FRAS1: variants seen among roughly 807,000 people sequenced by gnomAD.
FRAS1 encodes the protein extracellular matrix organizing protein FRAS1.
A neutral mutation model predicts 435.2 loss-of-function variants in FRAS1; 290 were observed. The ratio of observed to expected loss-of-function variants is 0.67; its 90% CI spans 0.61 to 0.73. The LOEUF (loss-of-function observed/expected upper bound fraction) is 0.73, where lower values mean the gene tolerates loss of function less well. Among genes scored for constraint, FRAS1 ranks in the 30% least tolerant of loss-of-function variants. FRAS1 has a pLI of 0.00. For synonymous variants in FRAS1, 1,800 were observed against 1,851.0 expected (o/e 0.97, Z 0.71); for missense variants, 4,860 against 5,001.5 (o/e 0.97, Z 0.85).
intron 2 of FRAS1, among the ~76,000 whole-genome samples, chr4:78,214,846 G>A (rs1038898556): frequency 6.6e-6 from 1 of 152,168 alleles, no homozygotes; most frequent in Non-Finnish European, 1.5e-5. Context: ...GATGAACTGA[G>A]GGGCCCTTGT....
chr4:78,480,791 G>A (rs1300178226), intron 56 of FRAS1, among the ~76,000 whole-genome samples: 2 of 152,238 alleles, frequency 1.3e-5, no homozygotes, highest in African/African-American at 4.8e-5. Context: ...TGTGCTGAGT[G>A]TCTCCTGATC....
At chr4:78,120,257 A>G (rs1042887296) in intron 2 of FRAS1, among the ~76,000 whole-genome samples, 1 of 152,220 alleles carries the variant, frequency 6.6e-6, no homozygotes, top group Non-Finnish European at 1.5e-5. Context: ...TGTTTATGTG[A>G]GTTCAAATAA....
chr4:78,444,199 C>T (rs1329534865), intron 41 of FRAS1: 3 of 455,062 alleles, frequency 6.6e-6, no homozygotes, highest in Admixed American at 2.4e-5. Flanking sequence ...CCACATTTCT[C>T]CTGTTTAGAG....
intron 2 of FRAS1, among the ~76,000 whole-genome samples, chr4:78,142,388 T>C (rs1486382586): frequency 2.0e-5 from 3 of 151,994 alleles, no homozygotes; most frequent in African/African-American, 7.2e-5. Flanking sequence ...CCAGAGCCTC[T>C]AATTATCTCT....
chr4:78,190,956 A>G (rs1026708323), intron 2 of FRAS1, among the ~76,000 whole-genome samples: 6 of 152,236 alleles, frequency 3.9e-5, no homozygotes, highest in South Asian at 2.1e-4. Flanking sequence ...TCTTGATCCC[A>G]TAGACTTAGT....
At chr4:78,374,065 C>T (rs1731617200) in intron 24 of FRAS1, 46 bp from the exon 25 acceptor site, 3 of 1,523,302 alleles carry the variant, frequency 2.0e-6, no homozygotes, top group East Asian at 2.3e-5. Flanking sequence ...CCTGGAGCCC[C>T]TGGAAAGCCA....
rs372683637 is a variant in FRAS1 at position 78,065,154 on chromosome 4, T to C, written c.77-831T>C. 2.9e-4 allele frequency among the ~76,000 whole-genome samples: 43 copies of C among 146,096 alleles called. No homozygotes were observed. In the East Asian group the frequency reaches 7.1e-3, roughly 24 times the overall value. Reference sequence around the variant, plus strand: ...TATATTATATATATACTATATATAGTATATAGTGGGTATATATGTATATAT... The same window carrying C: ...TATATTATATATATACTATATATAGCATATAGTGGGTATATATGTATATAT... On this transcript the variant is annotated intron_variant, in intron 1 of 73. Coordinates refer to ENST00000512123, the MANE Select transcript of FRAS1 (RefSeq NM_025074.7).
At chr4:78,062,682 T>C (rs1310287500) in intron 1 of FRAS1, among the ~76,000 whole-genome samples, 6 of 152,228 alleles carry the variant, frequency 3.9e-5, no homozygotes, top group African/African-American at 1.4e-4. Flanking sequence ...TATATTATAA[T>C]GTGCAAAAGG....
intron 31 of FRAS1, among the ~76,000 whole-genome samples, chr4:78,410,063 G>T (rs557558085): frequency 6.6e-6 from 1 of 152,196 alleles, no homozygotes; most frequent in African/African-American, 2.4e-5. Context: ...CCTGGGGATT[G>T]CAGCAGTCAT....
At chr4:78,138,488 G>C (rs748660690) in intron 2 of FRAS1, among the ~76,000 whole-genome samples, 4 of 152,126 alleles carry the variant, frequency 2.6e-5, no homozygotes, top group Non-Finnish European at 5.9e-5. Context: ...TATATCTGGA[G>C]GGTTATGCAA....
In FRAS1 at chr4:78,452,345, G is replaced by A. The variant is rs78404051; in HGVS notation, c.6754G>A (p.Ala2252Thr). Residue 2252 changes from alanine (A) to threonine (T), a missense_variant, in exon 47 of 74, where the codon GCA (alanine) becomes ACA (threonine). Ala to Thr is a moderately conservative substitution (Grantham distance 58). Coordinates refer to ENST00000512123, the MANE Select transcript of FRAS1 (RefSeq NM_025074.7). ...QPQLGHLEHAASPGIQISSFT... is the reference protein window; with the variant it reads ...QPQLGHLEHATSPGIQISSFT... The stretch of plus-strand genomic sequence containing the variant: ...CCAGCTGGGCCACTTGGAACATGCA[G>A]CATCACCAGGTAAGTCTATCATCTC... 7,726 of 1,601,078 alleles carry A rather than the reference G, an allele frequency of 4.8e-3. 323 individuals carry two copies. The African/African-American group carries it at 0.089, about 18-fold the overall frequency.
At chr4:78,460,439 A>G (rs1290254627) in intron 47 of FRAS1, among the ~76,000 whole-genome samples, 1 of 152,240 alleles carries the variant, frequency 6.6e-6, no homozygotes, top group Non-Finnish European at 1.5e-5. Flanking sequence ...GGTAGGGACA[A>G]TATGTTATTA....
intron 40 of FRAS1, among the ~76,000 whole-genome samples, chr4:78,440,928 C>T (rs151209775): frequency 5.8e-4 from 88 of 152,004 alleles, no homozygotes; most frequent in African/African-American, 2.0e-3. Context: ...TGGAGTGCAA[C>T]TTTGAAGGGA....
chr4:78,089,596 G>A (rs1346445017), intron 2 of FRAS1, among the ~76,000 whole-genome samples: 1 of 151,862 alleles, frequency 6.6e-6, no homozygotes, highest in Non-Finnish European at 1.5e-5. Context: ...TCTGGCTCTG[G>A]GATTTAAACT....
At chr4:78,407,117 A>G (rs1000077638) in intron 30 of FRAS1, among the ~76,000 whole-genome samples, 2 of 152,250 alleles carry the variant, frequency 1.3e-5, no homozygotes, top group Non-Finnish European at 2.9e-5. Context: ...TGTATATGCA[A>G]ATATTCAAAA....
At chr4:78,478,341 T>G (rs1719914605) in intron 55 of FRAS1, among the ~76,000 whole-genome samples, 1 of 152,208 alleles carries the variant, frequency 6.6e-6, no homozygotes, top group Non-Finnish European at 1.5e-5. Context: ...TATTCATGAA[T>G]CAGTATTCTT....
chr4:78,367,859 A>G (rs1442700929), intron 22 of FRAS1, among the ~76,000 whole-genome samples: 1 of 152,170 alleles, frequency 6.6e-6, no homozygotes, highest in African/African-American at 2.4e-5. Flanking sequence ...TGCATGTGGC[A>G]TATTTAAATA....
Position 78,337,770 on chromosome 4 carries a change from C to T in FRAS1, c.2375C>T (p.Thr792Ile). 1 of 1,613,870 alleles carries T rather than the reference C, an allele frequency of 6.2e-7. No individual in the cohort carries two copies. The highest frequency in any genetic ancestry group is 1.1e-5 in the South Asian group (1 of 91,078). ...HISLTNGNCR[T>I]SCREEQFLNL... is the part of the protein sequence containing the mutation. ...TCTCTTACCAATGGTAACTGCAGGA[C>T]CAGCTGCAGGGAAGAGCAGTTCCTC... The change falls in exon 20 of 74, where the codon ACC becomes ATC. Residue 792 changes from threonine (T) to isoleucine (I), a missense_variant. Transcript: ENST00000512123.
chr4:78,211,027 G>T (rs775924332), intron 2 of FRAS1, among the ~76,000 whole-genome samples: 94 of 152,214 alleles, frequency 6.2e-4, no homozygotes, highest in Non-Finnish European at 9.8e-4. Flanking sequence ...CCATAGGGAA[G>T]GATGGTAATT....
Sources: gnomAD v4.1 joint callset for allele counts (sites outside exome capture counted in the v4.1 genomes callset) on GRCh38, gnomAD v4.1.1 for gene constraint, MANE v1.5 for transcripts, NCBI Gene and HGNC (gene_info 2026-07-23, HGNC 2026-07-21) for gene names.